The following CAMK1G variants were observed in gnomAD, a reference collection of about 807,000 sequenced individuals.
CAMK1G encodes calcium/calmodulin-dependent protein kinase type 1G.
Under a neutral mutation model 54.8 loss-of-function variants are expected in CAMK1G, and 27 were observed. The observed-to-expected ratio is 0.49, with a 90% confidence interval of 0.36 to 0.68. The LOEUF (loss-of-function observed/expected upper bound fraction) is 0.68, where lower values mean the gene tolerates loss of function less well. CAMK1G is among the 30% of genes least tolerant of loss of function. The pLI, the probability that CAMK1G is intolerant of heterozygous loss-of-function variation, is 0.00. For synonymous variants in CAMK1G, 238 were observed against 224.9 expected (o/e 1.06, Z -0.52); for missense variants, 512 against 591.0 (o/e 0.87, Z 1.39).
chr1:209,590,181 C>A (rs1298413212), intron 1 of CAMK1G, among the ~76,000 whole-genome samples: 4 of 152,168 alleles, frequency 2.6e-5, no homozygotes, highest in Admixed American at 6.5e-5. Context: ...AATTTGTTTT[C>A]TTTTCCTCTG....
At chr1:209,592,743 G>A (rs963199798) in intron 1 of CAMK1G, among the ~76,000 whole-genome samples, 1 of 152,114 alleles carries the variant, frequency 6.6e-6, no homozygotes, top group African/African-American at 2.4e-5. Context: ...GATCTACTTG[G>A]ACCAAAAGTA....
chr1:209,590,473 C>A (rs927641179), intron 1 of CAMK1G, among the ~76,000 whole-genome samples: 1 of 152,142 alleles, frequency 6.6e-6, no homozygotes, highest in Admixed American at 6.5e-5. Context: ...GAGGAGTGGG[C>A]GGGAAAGATG....
At chr1:209,594,786 A>G (rs1403179589) in intron 1 of CAMK1G, among the ~76,000 whole-genome samples, 169 bp from the exon 2 acceptor site, 2 of 152,266 alleles carry the variant, frequency 1.3e-5, no homozygotes, top group African/African-American at 4.8e-5. Flanking sequence ...AATTTTTGAA[A>G]GCAAGTGTGG....
intron 1 of CAMK1G, among the ~76,000 whole-genome samples, chr1:209,593,633 G>A (rs1017829145): frequency 3.9e-5 from 6 of 152,224 alleles, no homozygotes; most frequent in Non-Finnish European, 5.9e-5. Context: ...CTCAGACTCC[G>A]TCTGCCCCAC....
intron 3 of CAMK1G, among the ~76,000 whole-genome samples, 196 bp downstream of exon 3, chr1:209,600,307 C>A (rs1271011503): frequency 6.1e-5 from 9 of 147,204 alleles, no homozygotes; most frequent in Non-Finnish European, 3.0e-5. Flanking sequence ...TTTTTGGCAA[C>A]AAATTGATGA....
chr1:209,584,954 C>T (rs1665057754), intron 1 of CAMK1G, among the ~76,000 whole-genome samples: 2 of 152,132 alleles, frequency 1.3e-5, no homozygotes, highest in South Asian at 2.1e-4. Flanking sequence ...ATCTTTAGGA[C>T]GATCCCATCA....
At chr1:209,607,533 G>C (rs1665677696) in intron 6 of CAMK1G, among the ~76,000 whole-genome samples, 1 of 152,180 alleles carries the variant, frequency 6.6e-6, no homozygotes, top group South Asian at 2.1e-4. Flanking sequence ...CCCTATCTGA[G>C]TGGGGAGACA....
intron 2 of CAMK1G, among the ~76,000 whole-genome samples, chr1:209,599,364 T>C (rs1037472849): frequency 6.6e-6 from 1 of 152,214 alleles, no homozygotes; most frequent in African/African-American, 2.4e-5. Flanking sequence ...ATAAGAATGG[T>C]AGAAAGAATT....
rs374362746 is a variant in CAMK1G at position 209,594,963 on chromosome 1, G to T, written c.-21G>T. 3.3e-5 allele frequency: 53 copies of T among 1,609,638 alleles called. No homozygotes were observed. Among genetic ancestry groups the T allele is most frequent in the Non-Finnish European group, 4.4e-5 (52 of 1,176,918 alleles). On this transcript the variant is annotated 5_prime_UTR_variant, in exon 2 of 13. Transcript: ENST00000361322. ...CACTCCCTGCAATAAAGCATCCTCA[G>T]AAGCTTCAACTCTGGAGGCAATGGG...
chr1:209,604,130 T>G (rs1032595369), intron 4 of CAMK1G, among the ~76,000 whole-genome samples: 3 of 152,232 alleles, frequency 2.0e-5, no homozygotes, highest in African/African-American at 7.2e-5. Context: ...GGTTTTTGGC[T>G]GATGGGCTGA....
At chr1:209,602,542 A>G (rs1238352949) in intron 3 of CAMK1G, among the ~76,000 whole-genome samples, 1 of 152,222 alleles carries the variant, frequency 6.6e-6, no homozygotes, top group Non-Finnish European at 1.5e-5. Flanking sequence ...AAAATCAGAA[A>G]CATTTTTAGC....
chr1:209,610,029 A>T, intron 9 of CAMK1G, 100 bp downstream of exon 9: 1 of 949,504 alleles, frequency 1.1e-6, no homozygotes. Flanking sequence ...GCTTGTCCTG[A>T]TCCATTTAAT....
chr1:209,598,824 C>T (rs1187619929), intron 2 of CAMK1G, among the ~76,000 whole-genome samples: 4 of 152,112 alleles, frequency 2.6e-5, no homozygotes, highest in African/African-American at 9.7e-5. Flanking sequence ...AAGAATAACG[C>T]CAGGCTTGGT....
intron 9 of CAMK1G, 26 bp from the exon 10 acceptor site, chr1:209,611,437 AGC>A: frequency 6.2e-7 from 1 of 1,611,080 alleles, no homozygotes; most frequent in Non-Finnish European, 8.5e-7. Flanking sequence ...GCCACCCAGT[AGC>A]CAGGTGTCCC....
In CAMK1G at chr1:209,613,412, T is replaced by C. The variant is rs1356911960; in HGVS notation, c.*410T>C. 1.3e-5 allele frequency: 2 copies of C among 155,092 alleles called. No homozygotes were observed. Among genetic ancestry groups the C allele is most frequent in the Middle Eastern group, 3.3e-3 (1 of 306 alleles). 9.6% of individuals were successfully genotyped at this position (155,092 alleles called of 1,614,324 possible). The stretch of plus-strand genomic sequence containing the variant: ...GTGTCACCTTCTCCAAGCAAAGCCA[T>C]ATGGAGCATCTACCCAGACTCCCAC... On this transcript the variant is annotated 3_prime_UTR_variant, in exon 13 of 13. Coordinates refer to ENST00000361322, the MANE Select transcript of CAMK1G (RefSeq NM_020439.3).
intron 8 of CAMK1G, among the ~76,000 whole-genome samples, chr1:209,609,552 C>T (rs909273934): frequency 6.6e-6 from 1 of 152,214 alleles, no homozygotes; most frequent in Non-Finnish European, 1.5e-5. Context: ...CCAGCGCTGG[C>T]CCCTGTTTCA....
chr1:209,602,488 TG>T (rs1291574292), intron 3 of CAMK1G, among the ~76,000 whole-genome samples: 1 of 152,236 alleles, frequency 6.6e-6, no homozygotes, highest in Non-Finnish European at 1.5e-5. Context: ...TCCCTCCCAT[TG>T]TATACAGGTT....
chr1:209,588,379 T>C (rs556679082), intron 1 of CAMK1G, among the ~76,000 whole-genome samples: 1 of 149,154 alleles, frequency 6.7e-6, no homozygotes, highest in Non-Finnish European at 1.5e-5. Flanking sequence ...TTGGATTGGA[T>C]TGGATTGGAT....
chr1:209,584,563 C>T (rs1665046788), intron 1 of CAMK1G, among the ~76,000 whole-genome samples: 1 of 152,202 alleles, frequency 6.6e-6, no homozygotes, highest in Admixed American at 6.5e-5. Flanking sequence ...CCCCCATCCA[C>T]ACCATGGCCC....
Sources: gnomAD v4.1 joint callset for allele counts (sites outside exome capture counted in the v4.1 genomes callset) on GRCh38, gnomAD v4.1.1 for gene constraint, MANE v1.5 for transcripts, NCBI Gene and HGNC (gene_info 2026-07-23, HGNC 2026-07-21) for gene names.